The following ARHGEF4 variants were observed in gnomAD, a reference collection of about 807,000 sequenced individuals.
ARHGEF4 encodes APC-stimulated guanine nucleotide exchange factor 1.
In ARHGEF4, 119 loss-of-function variants were observed where a neutral mutation model predicts 162.0. The observed-to-expected ratio is 0.73, with a 90% CI of 0.63 to 0.86. ARHGEF4 has a LOEUF of 0.86. Ranked by LOEUF, ARHGEF4 falls within the 40% of genes least tolerant of loss-of-function variation. The probability of loss-of-function intolerance (pLI) is 0.00; values close to 1 mark genes in which losing one functional copy is unlikely to be tolerated. For synonymous variants in ARHGEF4, 1,014 were observed against 979.9 expected (o/e 1.03, Z -0.65); for missense variants, 2,488 against 2,456.0 (o/e 1.01, Z -0.28).
chr2:130,909,656 T>TA (rs113498526), intron 1 of ARHGEF4, among the ~76,000 whole-genome samples: 2,616 of 145,380 alleles, frequency 0.018, 65 homozygotes, highest in African/African-American at 0.055. Flanking sequence ...AATAAAGTTG[T>TA]AAAAAAAAAA....
intron 1 of ARHGEF4, among the ~76,000 whole-genome samples, chr2:130,887,091 T>C (rs1445999659): frequency 6.6e-6 from 1 of 152,110 alleles, no homozygotes; most frequent in Admixed American, 6.5e-5. Context: ...ATGTTGTTTT[T>C]CTTTTTAAAG....
At chr2:130,921,012 A>G (rs1681840055) in intron 2 of ARHGEF4, among the ~76,000 whole-genome samples, 1 of 149,922 alleles carries the variant, frequency 6.7e-6, no homozygotes, top group Admixed American at 6.7e-5. Context: ...CCTTCCTGCC[A>G]CCTCCCTTCC....
chr2:130,915,277 CAG>C lies in ARHGEF4; in HGVS notation c.1334_1335del (p.Glu445ValfsTer11), dbSNP rs1281650624. On this transcript the variant is annotated frameshift_variant, in exon 2 of 14. Transcript: ENST00000409359. LOFTEE classifies it high-confidence loss of function. ...TGTCTGGTGGCTTCATGCCTCACCT[CAG>C]AGTTAGTGAAGCTCAGTGCAGAGGA... 6.4e-7 allele frequency: 1 copy of C among 1,550,592 alleles called. No individual in the cohort carries two copies. The highest frequency in any genetic ancestry group is 2.0e-5 in the Admixed American group (1 of 50,992).
At chr2:130,918,974 G>A (rs1414700353) in intron 2 of ARHGEF4, among the ~76,000 whole-genome samples, 4 of 152,192 alleles carry the variant, frequency 2.6e-5, no homozygotes, top group Non-Finnish European at 2.9e-5. Flanking sequence ...CCTATACTAA[G>A]GTGTCTCATC....
intron 1 of ARHGEF4, among the ~76,000 whole-genome samples, chr2:130,854,341 T>G (rs1255315901): frequency 6.6e-6 from 1 of 152,156 alleles, no homozygotes; most frequent in Non-Finnish European, 1.5e-5. Context: ...TCTGGCTCTA[T>G]AAATCTGAGG....
intron 2 of ARHGEF4, among the ~76,000 whole-genome samples, chr2:130,926,048 C>CTT: frequency 0.085 from 4,519 of 52,882 alleles, 331 homozygotes; most frequent in African/African-American, 0.2. Flanking sequence ...TTCTTTCTTT[C>CTT]TCTTTCTTTC....
chr2:131,027,747 G>A (rs561466939), intron 4 of ARHGEF4, among the ~76,000 whole-genome samples, 198 bp from the exon 5 acceptor site: 1 of 152,280 alleles, frequency 6.6e-6, no homozygotes, highest in African/African-American at 2.4e-5. Context: ...TGGTGGTGGT[G>A]TGAGTGAGTT....
At chr2:130,876,941 C>T (rs1559014588) in intron 1 of ARHGEF4, among the ~76,000 whole-genome samples, 2 of 152,174 alleles carry the variant, frequency 1.3e-5, no homozygotes, top group African/African-American at 4.8e-5. Flanking sequence ...TATATGCAGT[C>T]ATGTGTGTCA....
intron 4 of ARHGEF4, among the ~76,000 whole-genome samples, chr2:130,987,313 T>C (rs2105270030): frequency 1.3e-5 from 2 of 152,182 alleles, no homozygotes; most frequent in East Asian, 3.9e-4. Context: ...GTGTCTGGAG[T>C]TGGTTCCCGC....
Position 130,917,206 on chromosome 2 carries a change from G to A in ARHGEF4, c.3260G>A (p.Cys1087Tyr), listed in dbSNP as rs1343292238. ...CLAYENPGTP[C>Y]RPTSPKPLSP... The stretch of plus-strand genomic sequence containing the variant: ...GCATATGAAAACCCCGGGACGCCCT[G>A]CAGACCCACGAGCCCCAAGCCCCTG... Residue 1087 changes from cysteine (C) to tyrosine (Y), a missense_variant, in exon 2 of 14, where the codon TGC becomes TAC. Around this residue, in one of 6 missense-constraint regions of ARHGEF4, gnomAD observed 1,642 missense variants for 1,481.5 expected, o/e 1.11. Transcript: ENST00000409359. 2 of 1,550,386 alleles carry A rather than the reference G, an allele frequency of 1.3e-6. No individual in the cohort carries two copies. The highest frequency in any genetic ancestry group is 1.4e-5 in the African/African-American group (1 of 73,018).
intron 4 of ARHGEF4, among the ~76,000 whole-genome samples, chr2:131,022,802 TA>T (rs1329244628): frequency 3.3e-5 from 5 of 151,950 alleles, no homozygotes; most frequent in African/African-American, 1.2e-4. Flanking sequence ...GCATGACTCA[TA>T]AAAGGAAAAT....
chr2:130,982,976 C>A (rs1686232878), intron 4 of ARHGEF4, among the ~76,000 whole-genome samples: 3 of 152,148 alleles, frequency 2.0e-5, no homozygotes, highest in African/African-American at 7.2e-5. Context: ...CCTGAACTAT[C>A]AGATATGAAC....
intron 4 of ARHGEF4, among the ~76,000 whole-genome samples, chr2:130,976,855 GGT>G (rs1443539436): frequency 6.6e-6 from 1 of 151,910 alleles, no homozygotes; most frequent in African/African-American, 2.4e-5. Context: ...GCGTGTTTGT[GGT>G]GTGTGTCTGG....
chr2:130,852,084 C>T (rs980767146), intron 1 of ARHGEF4, among the ~76,000 whole-genome samples: 3 of 152,212 alleles, frequency 2.0e-5, no homozygotes, highest in Non-Finnish European at 4.4e-5. Context: ...TGAGCCATTC[C>T]AACTTCACAG....
At chr2:130,988,889 TATATATATATATAGAGAGAGAG>T (rs1442500845) in intron 4 of ARHGEF4, among the ~76,000 whole-genome samples, 64 of 116,462 alleles carry the variant, frequency 5.5e-4, no homozygotes, top group African/African-American at 1.8e-3. Flanking sequence ...TATATATATA[TATATATATATATAGAGAGAGAG>T]AGAGAGAGAG....
At chr2:130,989,219 C>A (rs1453907389) in intron 4 of ARHGEF4, among the ~76,000 whole-genome samples, 1 of 152,094 alleles carries the variant, frequency 6.6e-6, no homozygotes, top group Non-Finnish European at 1.5e-5. Flanking sequence ...CCTCTGCCTC[C>A]CAAAGTGCTG....
At chr2:130,898,812 C>A (rs1273982380) in intron 1 of ARHGEF4, among the ~76,000 whole-genome samples, 3 of 152,028 alleles carry the variant, frequency 2.0e-5, no homozygotes, top group Admixed American at 6.5e-5. Context: ...CTCACACACT[C>A]GCACAGCTGA....
intron 5 of ARHGEF4, chr2:131,035,657 C>T (rs995593841): frequency 3.0e-6 from 3 of 988,896 alleles, no homozygotes; most frequent in African/African-American, 3.5e-5. Context: ...TGGAAGACCC[C>T]CGGGCACCGC....
chr2:130,982,562 C>A (rs1686190484), intron 4 of ARHGEF4, among the ~76,000 whole-genome samples: 1 of 151,172 alleles, frequency 6.6e-6, no homozygotes. Context: ...TTTTCGCCTC[C>A]TCCTCCTCCC....
Sources: allele counts gnomAD v4.1 joint callset (sites outside exome capture counted in the v4.1 genomes callset), GRCh38; gene constraint gnomAD v4.1.1; regional missense constraint gnomAD v4.1.1; transcripts MANE v1.5; gene names NCBI Gene and HGNC (gene_info 2026-07-23, HGNC 2026-07-21).